Variants in CKMT2 observed in about 807,000 individuals in gnomAD.
CKMT2 encodes the protein creatine kinase S-type, mitochondrial.
CKMT2 carries 43 observed loss-of-function variants against 48.9 expected under a neutral mutation model. The ratio of observed to expected loss-of-function variants is 0.88; its 90% CI spans 0.69 to 1.13. The LOEUF is 1.13. Ranked by LOEUF, CKMT2 falls within the 50% of genes most tolerant of loss-of-function variation. The probability of loss-of-function intolerance (pLI) is 0.00; values close to 1 mark genes in which losing one functional copy is unlikely to be tolerated. For synonymous variants in CKMT2, 206 were observed against 213.0 expected (o/e 0.97, Z 0.29); for missense variants, 472 against 555.4 (o/e 0.85, Z 1.51).
intron 8 of CKMT2, among the ~76,000 whole-genome samples, chr5:81,260,546 G>A (rs974190139): frequency 7.9e-5 from 12 of 152,208 alleles, no homozygotes; most frequent in African/African-American, 2.2e-4. Context: ...ACCACTGATC[G>A]TACAGAAATA....
chr5:81,256,893 CT>C, intron 5 of CKMT2, 21 bp from the exon 6 acceptor site: 1 of 1,581,296 alleles, frequency 6.3e-7, no homozygotes, highest in Non-Finnish European at 8.7e-7. Context: ...CTCCTCTCTG[CT>C]TTATCCCTTT....
Position 81,251,265 on chromosome 5 carries a change from C to G in CKMT2, c.133C>G (p.Pro45Ala), listed in dbSNP as rs769904311. ...QKVCAEVREQ[P>A]RLFPPSADYP... Reference sequence around the variant, plus strand: ...AGTGTGTGCCGAGGTCCGGGAGCAGCCTAGGCTATTTCCTCCAAGGTAAGG... The same window carrying G: ...AGTGTGTGCCGAGGTCCGGGAGCAGGCTAGGCTATTTCCTCCAAGGTAAGG... The change falls in exon 2 of 10, where the codon CCT becomes GCT. Residue 45 changes from proline to alanine, a missense_variant. Transcript: ENST00000254035. 17 of 1,614,046 alleles carry G rather than the reference C, an allele frequency of 1.1e-5. No homozygotes were observed. The highest frequency in any genetic ancestry group is 1.4e-5 in the Non-Finnish European group (16 of 1,179,990).
chr5:81,256,555 T>G (rs146244822), intron 5 of CKMT2, among the ~76,000 whole-genome samples: 1 of 152,010 alleles, frequency 6.6e-6, no homozygotes, highest in Non-Finnish European at 1.5e-5. Context: ...ATAGTATCCC[T>G]CATTCATTGC....
chr5:81,254,541 C>T (rs375630161), intron 4 of CKMT2, 50 bp downstream of exon 4: 8 of 1,536,628 alleles, frequency 5.2e-6, no homozygotes, highest in Non-Finnish European at 7.2e-6. Context: ...ACTCCTGAGC[C>T]CAAGGGGAAG....
intron 1 of CKMT2, chr5:81,244,126 A>T (rs1245182272): frequency 2.0e-6 from 2 of 985,308 alleles, no homozygotes; most frequent in East Asian, 2.3e-4. Context: ...TCTGCCGGTG[A>T]CTGGGAAGTT....
Position 81,251,170 on chromosome 5 carries a change from A to G in CKMT2, c.38A>G (p.Asn13Ser). The change falls in exon 2 of 10, where the codon AAT (asparagine) becomes AGT (serine). Residue 13 changes from asparagine to serine, a missense_variant. Coordinates refer to ENST00000254035, the MANE Select transcript of CKMT2 (RefSeq NM_001099735.2). ...TTTTCTAAGTTGCTAACTGGCCGCA[A>G]TGCTTCTCTGCTGTTTGCTACCATG... Reference protein sequence around the residue: ...SIFSKLLTGRNASLLFATMGT... With the variant: ...SIFSKLLTGRSASLLFATMGT... The G allele has an allele frequency of 6.2e-7, 1 of 1,614,086 alleles. No homozygotes were observed. The highest frequency in any genetic ancestry group is 8.5e-7 in the Non-Finnish European group (1 of 1,179,978).
intron 1 of CKMT2, chr5:81,235,622 C>T (rs574093080): frequency 6.6e-6 from 1 of 152,396 alleles, no homozygotes; most frequent in Non-Finnish European, 1.5e-5. Flanking sequence ...AGTGACAGAA[C>T]CCAAGGCCTC....
intron 1 of CKMT2, among the ~76,000 whole-genome samples, chr5:81,247,176 AGTAC>A (rs2112795279): frequency 6.6e-6 from 1 of 152,330 alleles, no homozygotes; most frequent in Admixed American, 6.5e-5. Context: ...AGAACAGTTC[AGTAC>A]GTTATGATAA....
chr5:81,248,782 C>G (rs1756699181), intron 1 of CKMT2, among the ~76,000 whole-genome samples: 1 of 152,232 alleles, frequency 6.6e-6, no homozygotes, highest in Non-Finnish European at 1.5e-5. Context: ...AACCCCTACT[C>G]AGAAGAGGCT....
At chr5:81,246,577 C>T (rs896078589) in intron 1 of CKMT2, among the ~76,000 whole-genome samples, 6 of 152,314 alleles carry the variant, frequency 3.9e-5, no homozygotes, top group African/African-American at 7.2e-5. Context: ...AGAACTGTTT[C>T]TTTTGCTCAC....
chr5:81,246,434 G>A (rs1389165251), intron 1 of CKMT2, among the ~76,000 whole-genome samples: 3 of 151,950 alleles, frequency 2.0e-5, no homozygotes, highest in Non-Finnish European at 4.4e-5. Flanking sequence ...CTATTTAAAA[G>A]TAGACATCAC....
rs972924475 is a variant in CKMT2 at position 81,233,330 on chromosome 5, T to C, written c.-68T>C. The C allele has an allele frequency of 2.0e-6, 2 of 985,582 alleles. No homozygotes were observed. Among genetic ancestry groups the C allele is most frequent in the East Asian group, 1.1e-4 (1 of 8,824 alleles). The allele number at this position is 985,582 out of a possible 1,614,324, so 61.1% of individuals were successfully genotyped here. A position where few individuals can be genotyped will look rare whatever the true frequency, so the allele number is the denominator to read the frequency against. Reference sequence around the variant, plus strand: ...CCCGACCAGCTCGCCCTGCATACACTTCTTGGCTGTGTGCGCTCAGCAGGA... The same window carrying C: ...CCCGACCAGCTCGCCCTGCATACACCTCTTGGCTGTGTGCGCTCAGCAGGA... On this transcript the variant is annotated 5_prime_UTR_variant, in exon 1 of 10. Coordinates refer to ENST00000254035, the MANE Select transcript of CKMT2 (RefSeq NM_001099735.2).
chr5:81,240,887 C>T (rs1279904437), intron 1 of CKMT2, among the ~76,000 whole-genome samples: 2 of 152,122 alleles, frequency 1.3e-5, no homozygotes, highest in Non-Finnish European at 2.9e-5. Flanking sequence ...GTTGCTGTGG[C>T]AAGTGGTGGG....
At chr5:81,237,863 A>G (rs1178593133) in intron 1 of CKMT2, 3 of 152,168 alleles carry the variant, frequency 2.0e-5, no homozygotes, top group Non-Finnish European at 4.4e-5. Flanking sequence ...CCTCCAGGTA[A>G]GTGGAGGCAG....
chr5:81,236,086 G>A (rs1251927596), intron 1 of CKMT2: 3 of 152,334 alleles, frequency 2.0e-5, no homozygotes, highest in African/African-American at 7.2e-5. Context: ...GGAGCGGGCA[G>A]AGATATCCCT....
intron 4 of CKMT2, 172 bp downstream of exon 4, chr5:81,254,663 G>T (rs1191721073): frequency 3.3e-6 from 2 of 609,130 alleles, no homozygotes; most frequent in Non-Finnish European, 5.8e-6. Context: ...AGGAGGGTCC[G>T]AAAGTCTGTT....
intron 1 of CKMT2, among the ~76,000 whole-genome samples, chr5:81,241,829 T>C (rs1756445370): frequency 6.6e-6 from 1 of 152,222 alleles, no homozygotes; most frequent in Non-Finnish European, 1.5e-5. Context: ...TAATAAAATA[T>C]TTTCTTTTTC....
At chr5:81,246,303 C>T (rs564814724) in intron 1 of CKMT2, among the ~76,000 whole-genome samples, 166 of 151,994 alleles carry the variant, frequency 1.1e-3, no homozygotes, top group Non-Finnish European at 1.6e-3. Flanking sequence ...CCATCCTTTC[C>T]GAAGTCCACT....
At chr5:81,259,749 GAGACTT>G (rs757748086) in intron 8 of CKMT2, among the ~76,000 whole-genome samples, 8 of 152,162 alleles carry the variant, frequency 5.3e-5, no homozygotes, top group Non-Finnish European at 8.8e-5. Flanking sequence ...GACCTACAAT[GAGACTT>G]AGACTCCCAC....
Sources: gnomAD v4.1 joint callset for allele counts (sites outside exome capture counted in the v4.1 genomes callset) on GRCh38, gnomAD v4.1.1 for gene constraint, MANE v1.5 for transcripts, NCBI Gene and HGNC (gene_info 2026-07-23, HGNC 2026-07-21) for gene names.